DLC1: variants seen among roughly 807,000 people sequenced by gnomAD.
DLC1 encodes the protein rho GTPase-activating protein 7.
Under a neutral mutation model 140.3 loss-of-function variants are expected in DLC1, and 54 were observed. The ratio of observed to expected loss-of-function variants is 0.38; its 90% confidence interval spans 0.31 to 0.48. The LOEUF (loss-of-function observed/expected upper bound fraction) is 0.48, where lower values mean the gene tolerates loss of function less well. Among genes scored for constraint, DLC1 ranks in the 20% least tolerant of loss-of-function variants. The pLI is 0.96. For synonymous variants in DLC1, 986 were observed against 728.1 expected, an observed-to-expected ratio of 1.35 and a Z score of -5.70; for missense variants, 2,536 against 1,907.0, an observed-to-expected ratio of 1.33 and a Z score of -6.14.
At chr8:13,153,667 T>C (rs1585785679) in intron 5 of DLC1, among the ~76,000 whole-genome samples, 1 of 152,166 alleles carries the variant, frequency 6.6e-6, no homozygotes, top group East Asian at 1.9e-4. Flanking sequence ...TGCTGATTGG[T>C]GCATTTACCA....
upstream of DLC1, among the ~76,000 whole-genome samples, chr8:13,518,317 C>A (rs141144401): frequency 9.7e-4 from 147 of 152,242 alleles, no homozygotes; most frequent in African/African-American, 3.3e-3. Flanking sequence ...TCGTGTTGGC[C>A]AGGGTGGTCT....
chr8:13,173,097 A>G (rs1031702243), intron 5 of DLC1, among the ~76,000 whole-genome samples: 10 of 152,212 alleles, frequency 6.6e-5, no homozygotes, highest in African/African-American at 2.2e-4. Context: ...TAAACTTAAC[A>G]TATCTTTGAA....
At chr8:13,239,593 C>A (rs1461392688) in intron 5 of DLC1, among the ~76,000 whole-genome samples, 1 of 152,030 alleles carries the variant, frequency 6.6e-6, no homozygotes, top group Non-Finnish European at 1.5e-5. Context: ...AATATTATAC[C>A]ATGCTCTAAG....
intron 1 of DLC1, among the ~76,000 whole-genome samples, chr8:13,550,422 T>C (rs1803806811): frequency 6.6e-6 from 1 of 152,128 alleles, no homozygotes; most frequent in Non-Finnish European, 1.5e-5. Context: ...CCAGTCTTAA[T>C]AGTATCTTTG....
chr8:13,134,743 G>C (rs1035288716), intron 5 of DLC1, among the ~76,000 whole-genome samples: 4 of 152,118 alleles, frequency 2.6e-5, no homozygotes, highest in Admixed American at 6.5e-5. Context: ...AGGATTGCTT[G>C]ATCCCGGGAG....
rs140222848 is a variant in DLC1 at position 13,554,112 on chromosome 8, G to A, written c.-126+50425C>T. Among the ~76,000 whole-genome samples, 170 of 152,158 alleles carry A rather than the reference G, an allele frequency of 1.1e-3. 1 individual carries two copies. The highest frequency in any genetic ancestry group is 6.8e-3 in the Middle Eastern group (2 of 294). ...GACAGAGTCTCACTCTGTGGCCCAGGTTGGAGTGCAATGGCACAATCTCCA... is the reference window on the plus strand; with the variant it reads ...GACAGAGTCTCACTCTGTGGCCCAGATTGGAGTGCAATGGCACAATCTCCA... On this transcript the variant is annotated intron_variant, in intron 1 of 1. Transcript: ENST00000631382.
intron 5 of DLC1, among the ~76,000 whole-genome samples, chr8:13,243,753 A>C (rs550229075): frequency 1.6e-4 from 25 of 152,318 alleles, no homozygotes; most frequent in Non-Finnish European, 3.4e-4. Flanking sequence ...GCTGCGAACA[A>C]CATCAAGTTA....
chr8:13,232,583 G>A (rs1421436493), intron 5 of DLC1, among the ~76,000 whole-genome samples: 1 of 152,048 alleles, frequency 6.6e-6, no homozygotes, highest in East Asian at 1.9e-4. Context: ...CACTTGCCTC[G>A]GCCTCCCAAA....
At chr8:13,204,217 G>A (rs1827543395) in intron 5 of DLC1, among the ~76,000 whole-genome samples, 1 of 152,144 alleles carries the variant, frequency 6.6e-6, no homozygotes, top group African/African-American at 2.4e-5. Flanking sequence ...CGGGACCCGC[G>A]GTTGGATGAC....
intron 5 of DLC1, among the ~76,000 whole-genome samples, chr8:13,157,919 TACTC>T (rs1466612813): frequency 2.0e-5 from 3 of 152,244 alleles, no homozygotes; most frequent in Admixed American, 6.5e-5. Flanking sequence ...AGGGAAAACT[TACTC>T]ATTTAGTTTA....
chr8:13,456,519 C>A (rs1256617321), intron 2 of DLC1, among the ~76,000 whole-genome samples: 2 of 151,830 alleles, frequency 1.3e-5, no homozygotes. Flanking sequence ...GAGCGCAGGG[C>A]TGGATCCCAG....
At chr8:13,305,536 T>C (rs1247990237) in intron 4 of DLC1, among the ~76,000 whole-genome samples, 3 of 152,170 alleles carry the variant, frequency 2.0e-5, no homozygotes, top group Admixed American at 6.5e-5. Context: ...ACATCCATAT[T>C]ATCTTTAACA....
chr8:13,127,716 C>T (rs1821705335), intron 5 of DLC1, among the ~76,000 whole-genome samples: 1 of 152,200 alleles, frequency 6.6e-6, no homozygotes, highest in African/African-American at 2.4e-5. Context: ...GGAAATGCTA[C>T]CACCCCAGGG....
rs181441865 is a variant in DLC1 at position 13,304,288 on chromosome 8, C to T, written c.1348+981G>A. Among the ~76,000 whole-genome samples, 5 of 152,260 alleles carry T rather than the reference C, an allele frequency of 3.3e-5. No individual in the cohort carries two copies. The East Asian group carries it at 7.7e-4, about 24-fold the overall frequency. Reference sequence around the variant, plus strand: ...TTGTGTGATTTTTCTCTTGAGCTGACATATGATGCCAGTTCAATATTTTCC... The same window carrying T: ...TTGTGTGATTTTTCTCTTGAGCTGATATATGATGCCAGTTCAATATTTTCC... On this transcript the variant is annotated intron_variant, in intron 5 of 17. Coordinates refer to ENST00000276297, the MANE Select transcript of DLC1 (RefSeq NM_182643.3).
At position 13,453,415 on chromosome 8, in the gene DLC1, T is replaced by C. The variant is rs539330977; in HGVS notation, c.1023+45634A>G. Among the ~76,000 whole-genome samples, 97 of 52,076 alleles carry C rather than the reference T, an allele frequency of 1.9e-3. 10 individuals are homozygous for C. Among genetic ancestry groups the C allele is most frequent in the African/African-American group, 0.011 (91 of 8,620 alleles). 34.2% of individuals were successfully genotyped at this position (52,076 alleles called of 152,430 possible). A position where few individuals can be genotyped will look rare whatever the true frequency, so the allele number is the denominator to read the frequency against. On this transcript the variant is annotated intron_variant, in intron 2 of 17. Transcript: ENST00000276297. ...ATATATATATATGTGTATATATATA[T>C]ATATATATGTGTATATATATATGTA...
At chr8:13,249,971 G>C (rs549684093) in intron 5 of DLC1, among the ~76,000 whole-genome samples, 11 of 152,210 alleles carry the variant, frequency 7.2e-5, no homozygotes, top group Middle Eastern at 3.4e-3. Context: ...GGATGGCTTG[G>C]GGGGCCTCTC....
intron 12 of DLC1, 144 bp from the exon 13 acceptor site, chr8:13,092,969 G>T (rs1004624787): frequency 1.1e-6 from 1 of 905,630 alleles, no homozygotes; most frequent in Admixed American, 2.6e-5. Context: ...AGGTTAATAC[G>T]GTAAAAGTTA....
chr8:13,295,470 T>C (rs1244120768), intron 5 of DLC1, among the ~76,000 whole-genome samples: 1 of 152,226 alleles, frequency 6.6e-6, no homozygotes, highest in East Asian at 1.9e-4. Context: ...CTGCACAGCC[T>C]GCAGACAAGA....
intron 5 of DLC1, among the ~76,000 whole-genome samples, chr8:13,220,069 C>T (rs185663946): frequency 6.6e-6 from 1 of 152,000 alleles, no homozygotes; most frequent in Admixed American, 6.6e-5. Context: ...GGGTTTCCTT[C>T]TGGGGCGATT....
Sources: gnomAD v4.1 joint callset for allele counts (sites outside exome capture counted in the v4.1 genomes callset) on GRCh38, gnomAD v4.1.1 for gene constraint, MANE v1.5 for transcripts, NCBI Gene and HGNC (gene_info 2026-07-23, HGNC 2026-07-21) for gene names.